Variants in MARK2 observed in about 807,000 individuals in gnomAD.
MARK2 encodes the protein serine/threonine-protein kinase MARK2.
Under a neutral mutation model 89.8 loss-of-function variants are expected in MARK2, and 16 were observed. The observed-to-expected ratio is 0.18, with a 90% CI of 0.12 to 0.27. The LOEUF is 0.27. MARK2 is among the 10% of genes least tolerant of loss of function. The pLI, the probability that MARK2 is intolerant of heterozygous loss-of-function variation, is 1.00. For missense variants in MARK2, 621 were observed against 1,049.9 expected (o/e 0.59, Z 5.65); for synonymous variants, 382 against 399.5 (o/e 0.96, Z 0.52).
chr11:63,852,201 A>C (rs1177357513), intron 1 of MARK2, among the ~76,000 whole-genome samples: 1 of 152,174 alleles, frequency 6.6e-6, no homozygotes, highest in Non-Finnish European at 1.5e-5. Flanking sequence ...ATAATTTTTA[A>C]GGTAGTACTT....
At chr11:63,856,305 T>TG (rs1358435774) in intron 1 of MARK2, among the ~76,000 whole-genome samples, 1 of 123,724 alleles carries the variant, frequency 8.1e-6, no homozygotes, top group Non-Finnish European at 1.7e-5. Flanking sequence ...ACTGGCCCTG[T>TG]GGGTTTTTTT....
intron 1 of MARK2, among the ~76,000 whole-genome samples, chr11:63,862,132 C>A (rs1937840357): frequency 6.6e-6 from 1 of 151,602 alleles, no homozygotes; most frequent in South Asian, 2.1e-4. Flanking sequence ...ACCGTGTTGG[C>A]CAGGCTGGTC....
At chr11:63,862,266 G>A (rs913279775) in intron 1 of MARK2, among the ~76,000 whole-genome samples, 1 of 152,070 alleles carries the variant, frequency 6.6e-6, no homozygotes, top group African/African-American at 2.4e-5. Flanking sequence ...CTGTTTTACA[G>A]GTGAGGAAAT....
At chr11:63,897,214 T>C (rs1272181969) in intron 3 of MARK2, among the ~76,000 whole-genome samples, 1 of 152,228 alleles carries the variant, frequency 6.6e-6, no homozygotes, top group African/African-American at 2.4e-5. Flanking sequence ...CCTCTGGCCC[T>C]ATTTCAGAGC....
Position 63,850,747 on chromosome 11 carries a change from G to A in MARK2, c.54+11187G>A, listed in dbSNP as rs544352035. ...TTGAGATCTGTGTGTCAAAGGGGAA[G>A]CCCTAGGGTGGTTCTCTGCAGCACC... On this transcript the variant is annotated intron_variant, in intron 1 of 18. Transcript: ENST00000402010. Among the ~76,000 whole-genome samples the A allele has an allele frequency of 7.2e-5, 11 of 152,292 alleles. No homozygotes were observed. In the East Asian group the frequency reaches 2.1e-3, roughly 29 times the overall value.
At chr11:63,875,117 ATT>A (rs35168603) in intron 1 of MARK2, among the ~76,000 whole-genome samples, 38 of 125,506 alleles carry the variant, frequency 3.0e-4, no homozygotes, top group African/African-American at 4.0e-4. Flanking sequence ...TGCCCAGCTA[ATT>A]TTTTTTTTTT....
In MARK2 at chr11:63,839,505, C is replaced by T; in HGVS notation, c.-2C>T. 6.5e-7 allele frequency: 1 copy of T among 1,531,520 alleles called. No homozygotes were observed. The highest frequency in any genetic ancestry group is 8.8e-7 in the Non-Finnish European group (1 of 1,136,302). 94.9% of individuals were successfully genotyped at this position (1,531,520 alleles called of 1,614,324 possible). A position where few individuals can be genotyped will look rare whatever the true frequency, so the allele number is the denominator to read the frequency against. ...GGTTCCCTCCCCCGAGATACCGGCG[C>T]CATGTCCAGCGCTCGGACCCCCCTA... On this transcript the variant is annotated 5_prime_UTR_variant, in exon 1 of 19. Coordinates refer to ENST00000402010, the MANE Select transcript of MARK2 (RefSeq NM_001039469.3).
At chr11:63,859,743 T>C (rs1240454545) in intron 1 of MARK2, among the ~76,000 whole-genome samples, 5 of 152,196 alleles carry the variant, frequency 3.3e-5, no homozygotes, top group African/African-American at 1.2e-4. Context: ...GCAAATCTCC[T>C]GCCTCGGCCT....
At position 63,902,420 on chromosome 11, in the gene MARK2, T is replaced by G; in HGVS notation, c.1234+90T>G. 6.4e-7 allele frequency: 1 copy of G among 1,551,392 alleles called. No homozygotes were observed. The highest frequency in any genetic ancestry group is 1.1e-5 in the South Asian group (1 of 88,550). On this transcript the variant is annotated intron_variant, in intron 12 of 18. Transcript: ENST00000402010. The surrounding 1 kb of genome is among the most constrained non-coding windows in gnomAD (Gnocchi z 4.2). Reference sequence around the variant, plus strand: ...GGGACTTGGGTAACACAACTAAGTTTCAGTCCTGGTTCAGCCACTTATTAG... The same window carrying G: ...GGGACTTGGGTAACACAACTAAGTTGCAGTCCTGGTTCAGCCACTTATTAG...
chr11:63,905,509 C>T (rs532604469), intron 16 of MARK2, among the ~76,000 whole-genome samples: 1 of 152,380 alleles, frequency 6.6e-6, no homozygotes, highest in South Asian at 2.1e-4. Flanking sequence ...GCTGCAGGCG[C>T]AGCCATGCCC....
At chr11:63,905,156 T>C in intron 16 of MARK2, 113 bp downstream of exon 16, 1 of 1,254,214 alleles carries the variant, frequency 8.0e-7, no homozygotes, top group East Asian at 2.4e-5. Context: ...CGGTATTGGG[T>C]CCTGGGGTTA....
intron 1 of MARK2, among the ~76,000 whole-genome samples, chr11:63,867,270 C>T (rs1465311531): frequency 2.0e-5 from 3 of 152,174 alleles, no homozygotes; most frequent in African/African-American, 7.2e-5. Context: ...TCAAGTGATC[C>T]GCCTGCCTCA....
intron 16 of MARK2, among the ~76,000 whole-genome samples, 195 bp downstream of exon 16, chr11:63,905,238 G>A (rs905233125): frequency 2.0e-5 from 3 of 152,092 alleles, no homozygotes; most frequent in Non-Finnish European, 4.4e-5. Flanking sequence ...ACCCCTCTTA[G>A]GCCTCTCCCC....
At chr11:63,861,231 C>T (rs2135239498) in intron 1 of MARK2, among the ~76,000 whole-genome samples, 1 of 152,188 alleles carries the variant, frequency 6.6e-6, no homozygotes, top group Middle Eastern at 3.4e-3. Flanking sequence ...GTCAGGAGTT[C>T]AAGACCAGCC....
intron 1 of MARK2, among the ~76,000 whole-genome samples, chr11:63,856,768 G>GGTTTTTTTTTTTTTTTTTT (rs1565100741): frequency 1.9e-5 from 1 of 53,796 alleles, no homozygotes; most frequent in African/African-American, 7.3e-5. Context: ...AATTTTTCAT[G>GGTTTTTTTTTTTTTTTTTT]TTTTTTTTTT....
chr11:63,842,650 A>C (rs4963433), intron 1 of MARK2, among the ~76,000 whole-genome samples: 89,439 of 151,872 alleles, frequency 0.59, 27,436 homozygotes, highest in East Asian at 0.89. Context: ...GTGATTTTAG[A>C]TAAAGTAGTC....
intron 1 of MARK2, among the ~76,000 whole-genome samples, chr11:63,889,474 G>C (rs1050129423): frequency 6.6e-6 from 1 of 152,192 alleles, no homozygotes; most frequent in African/African-American, 2.4e-5. Flanking sequence ...ACTGTTGGTA[G>C]GAGCCTCCAG....
intron 1 of MARK2, among the ~76,000 whole-genome samples, chr11:63,870,216 G>C (rs555720318): frequency 6.6e-6 from 1 of 152,170 alleles, no homozygotes; most frequent in African/African-American, 2.4e-5. Flanking sequence ...GGTGCCAGAG[G>C]CCCTAGGGAA....
At chr11:63,878,359 C>CTTTTTTTTT (rs59251368) in intron 1 of MARK2, among the ~76,000 whole-genome samples, 3 of 72,712 alleles carry the variant, frequency 4.1e-5, no homozygotes, top group African/African-American at 6.3e-5. Flanking sequence ...TTGTTCAAGT[C>CTTTTTTTTT]TTTTTTTTTT....
Sources: gnomAD v4.1 joint callset for allele counts (sites outside exome capture counted in the v4.1 genomes callset) on GRCh38, gnomAD v4.1.1 for gene constraint, Gnocchi (gnomAD v3.1) non-coding constraint, MANE v1.5 for transcripts, NCBI Gene and HGNC (gene_info 2026-07-23, HGNC 2026-07-21) for gene names.